Variants in EPPK1 observed in about 807,000 individuals in gnomAD.
EPPK1 encodes epiplakin 1.
For missense variants in EPPK1, 3,823 were observed against 3,673.3 expected (o/e 1.04, Z -1.05); for synonymous variants, 1,862 against 1,721.2 (o/e 1.08, Z -2.03).
rs782379600 is a variant in EPPK1 at position 143,867,174 on chromosome 8, A to G, written c.6080T>C (p.Leu2027Pro). 6.2e-7 allele frequency: 1 copy of G among 1,612,590 alleles called. No homozygotes were observed. The highest frequency in any genetic ancestry group is 1.3e-5 in the African/African-American group (1 of 74,874). The change falls in exon 2 of 2, where the codon CTG becomes CCG. Residue 2027 changes from leucine (L) to proline (P), a missense_variant. Physicochemically the swap from Leu to Pro is moderately conservative, Grantham distance 98. Coordinates refer to ENST00000615648, the MANE Select transcript of EPPK1 (RefSeq NM_031308.4). ...ACAGCCCCGTCTGTAGGCTGTTTCC[A>G]GTGGGAGCCGGTGGTGGTGCTGTGG... ...IDPQHHHRLP[L>P]ETAYRRGCLH...
At chr8:143,874,138 C>T (rs551735429) in intron 1 of EPPK1, among the ~76,000 whole-genome samples, 2 of 152,334 alleles carry the variant, frequency 1.3e-5, no homozygotes, top group South Asian at 4.1e-4. Flanking sequence ...CCCATGGGCC[C>T]TGGTCCTCCG....
rs782287716 is a variant in EPPK1 at position 143,868,229 on chromosome 8, C to G, written c.5025G>C (p.Glu1675Asp). Residue 1675 changes from glutamate (E) to aspartate (D), a missense_variant, in exon 2 of 2, where the codon GAG (glutamate) becomes GAC (aspartate). By Grantham distance (45) the Glu-to-Asp change is conservative (BLOSUM62 2). Transcript: ENST00000615648. Reference protein sequence around the residue: ...QAMQKDLIVREHGIRLLEAQI... With the variant: ...QAMQKDLIVRDHGIRLLEAQI... The stretch of plus-strand genomic sequence containing the variant: ...GGGCCTCCAGCAGGCGGATGCCGTG[C>G]TCCCGGACGATGAGGTCCTTCTGCA... The G allele has an allele frequency of 6.2e-7, 1 of 1,613,120 alleles. No individual in the cohort carries two copies. The highest frequency in any genetic ancestry group is 1.7e-5 in the Admixed American group (1 of 60,030).
chr8:143,873,069 T>G lies in EPPK1; in HGVS notation c.185A>C (p.Glu62Ala). 6.4e-7 allele frequency: 1 copy of G among 1,557,862 alleles called. No homozygotes were observed. Among genetic ancestry groups the G allele is most frequent in the Non-Finnish European group, 8.7e-7 (1 of 1,151,676 alleles). ...GQAQSVYAAM[E>A]QGLLPAGLGQ... ...GAGCCCAGCAGGCAGGAGGCCCTGC[T>G]CCATGGCGGCGTAGACACTCTGGGC... Residue 62 changes from glutamate to alanine, a missense_variant, in exon 2 of 2, where the codon GAG becomes GCG. Transcript: ENST00000615648.
rs183490670 is a variant in EPPK1, at chr8:143,868,294, C to T, written c.4960G>A (p.Asp1654Asn). ...SAERAVTGYT[D>N]PYTGQQISLF... ...GAGATCTGCTGCCCGGTATAGGGGT[C>T]GGTGTAGCCGGTGACGGCGCGCTCG... The change falls in exon 2 of 2, where the codon GAC becomes AAC. Residue 1654 changes from aspartate (D) to asparagine (N), a missense_variant. Coordinates refer to ENST00000615648, the MANE Select transcript of EPPK1 (RefSeq NM_031308.4). The T allele has an allele frequency of 2.3e-4, 368 of 1,613,122 alleles. 2 individuals carry two copies. Among genetic ancestry groups the T allele is most frequent in the Middle Eastern group, 8.2e-4 (5 of 6,062 alleles).
In EPPK1 at chr8:143,867,769, C is replaced by A. The variant is rs1819181344; in HGVS notation, c.5485G>T (p.Glu1829Ter). ...TCTTCAATTGTCGTGGTGATGATTT[C>A]CAGCAATTTCTCCAGGCCCCCACTC... ...AQSGGLEKLL[E>*]IITTTIEETE... The change falls in exon 2 of 2, where the codon GAA (glutamate) becomes TAA (stop). Residue 1829 changes from glutamate (E) to a stop codon, truncating the protein, a stop_gained. Transcript: ENST00000615648. LOFTEE classifies it low-confidence loss of function (END_TRUNC). The A allele has an allele frequency of 6.2e-7, 1 of 1,613,724 alleles. No individual in the cohort carries two copies. Among genetic ancestry groups the A allele is most frequent in the Non-Finnish European group, 8.5e-7 (1 of 1,179,850 alleles).
Position 143,867,188 on chromosome 8 carries a change from G to T in EPPK1, c.6066C>A (p.His2022Gln). The change falls in exon 2 of 2, where the codon CAC becomes CAA. Residue 2022 changes from histidine (H) to glutamine (Q), a missense_variant. Physicochemically the swap from His to Gln is conservative, Grantham distance 24. Coordinates refer to ENST00000615648, the MANE Select transcript of EPPK1 (RefSeq NM_031308.4). Reference protein sequence around the residue: ...ATGGVIDPQHHHRLPLETAYR... With the variant: ...ATGGVIDPQHQHRLPLETAYR... The stretch of plus-strand genomic sequence containing the variant: ...AGGCTGTTTCCAGTGGGAGCCGGTG[G>T]TGGTGCTGTGGGTCGATGACACCCC... The T allele has an allele frequency of 6.2e-7, 1 of 1,612,802 alleles. No individual in the cohort carries two copies. The highest frequency in any genetic ancestry group is 8.5e-7 in the Non-Finnish European group (1 of 1,179,822).
In EPPK1 at chr8:143,871,387, G is replaced by T; in HGVS notation, c.1867C>A (p.Arg623Ser). 1 of 1,606,132 alleles carries T rather than the reference G, an allele frequency of 6.2e-7. No individual in the cohort carries two copies. ...CATCGGGCCTCATAGATGCTCAGGC[G>T]TTCCTGGGAGCCAGGGAGCAGCAGG... ...AGLLLPGSQE[R>S]LSIYEARCKG... is the part of the protein sequence containing the mutation. The change falls in exon 2 of 2, where the codon CGC becomes AGC. Residue 623 changes from arginine (R) to serine (S), a missense_variant. Physicochemically the swap from Arg to Ser is moderately radical, Grantham distance 110. Coordinates refer to ENST00000615648, the MANE Select transcript of EPPK1 (RefSeq NM_031308.4).
chr8:143,868,949 G>A lies in EPPK1; in HGVS notation c.4305C>T (p.Pro1435=). The A allele has an allele frequency of 6.2e-7, 1 of 1,610,880 alleles. No homozygotes were observed. The highest frequency in any genetic ancestry group is 8.5e-7 in the Non-Finnish European group (1 of 1,179,840). The change falls in exon 2 of 2, where the codon CCC becomes CCT. Residue 1435 remains proline (P), a synonymous_variant. Transcript: ENST00000615648. The part of the protein sequence containing the change: ...SETGLLLLPL[P]SDTVLEVDDH... ...CGTCCACCTCAAGCACTGTGTCTGA[G>A]GGCAGTGGCAACAGCAACAATCCGG...
In EPPK1 at chr8:143,872,168, G is replaced by T; in HGVS notation, c.1086C>A (p.Ala362=). The part of the protein sequence containing the change: ...LHEQLLVAEQ[A]VTGHHDPFSG... ...TGAAGGGGTCGTGGTGCCCTGTCAC[G>T]GCCTGCTCGGCCACCAGGAGCTGCT... The change falls in exon 2 of 2, where the codon GCC becomes GCA. Residue 362 remains alanine (A), a synonymous_variant. Transcript: ENST00000615648. The T allele has an allele frequency of 6.3e-7, 1 of 1,588,346 alleles. No homozygotes were observed. Among genetic ancestry groups the T allele is most frequent in the Non-Finnish European group, 8.6e-7 (1 of 1,167,992 alleles).
rs1818931655 is a variant in EPPK1, at chr8:143,857,938, A to G, written c.*49T>C. On this transcript the variant is annotated 3_prime_UTR_variant, in exon 2 of 2. Coordinates refer to ENST00000615648, the MANE Select transcript of EPPK1 (RefSeq NM_031308.4). ...AAAAAAACAACCCAGACACACAAGT[A>G]TGCCTCCACTTCTCCAGAGTTGCAG... 1 of 1,010,140 alleles carries G rather than the reference A, an allele frequency of 9.9e-7. No individual in the cohort carries two copies. The allele number at this position is 1,010,140 out of a possible 1,614,324, so 62.6% of individuals were successfully genotyped here.
Position 143,870,887 on chromosome 8 carries a change from G to C in EPPK1, c.2367C>G (p.Pro789=), listed in dbSNP as rs200117350. 6.2e-7 allele frequency: 1 copy of C among 1,613,178 alleles called. No individual in the cohort carries two copies. The highest frequency in any genetic ancestry group is 8.5e-7 in the Non-Finnish European group (1 of 1,179,982). The change falls in exon 2 of 2, where the codon CCC becomes CCG. Residue 789 remains proline, a synonymous_variant. Coordinates refer to ENST00000615648, the MANE Select transcript of EPPK1 (RefSeq NM_031308.4). This position sits in a 1 kb window ranked among gnomAD's most constrained non-coding sequence, Gnocchi z 5.2. ...GTGGCAGGAGGTACAGGCCCGTCTC[G>C]GGGTCACGCACACAGCGCTCCAGAA... ...LQLLERCVRD[P]ETGLYLLPLS... is the part of the protein sequence containing the mutation.
chr8:143,877,134 C>T (rs782378450), intron 1 of EPPK1, among the ~76,000 whole-genome samples: 2 of 152,360 alleles, frequency 1.3e-5, no homozygotes, highest in African/African-American at 2.4e-5. Context: ...CCGCACCATG[C>T]GTGAGATGCG....
chr8:143,869,756 C>A lies in EPPK1; in HGVS notation c.3498G>T (p.Gln1166His), dbSNP rs1554660493. 1.9e-6 allele frequency: 3 copies of A among 1,602,294 alleles called. No individual in the cohort carries two copies. Among genetic ancestry groups the A allele is most frequent in the Non-Finnish European group, 2.6e-6 (3 of 1,175,416 alleles). Residue 1166 changes from glutamine to histidine, a missense_variant, in exon 2 of 2, where the codon CAG becomes CAT. Physicochemically the swap from Gln to His is conservative, Grantham distance 24. Transcript: ENST00000615648. ...EQRRGLLEDVQEGRTTVPQLL... is the reference protein window; with the variant it reads ...EQRRGLLEDVHEGRTTVPQLL... ...GCTGTGGCACAGTGGTCCTCCCCTC[C>A]TGCACGTCCTCCAGCAGGCCCCTCC...
rs782756398 is a variant in EPPK1 at position 143,871,333 on chromosome 8, G to C, written c.1921C>G (p.Leu641Val). 2 of 1,611,174 alleles carry C rather than the reference G, an allele frequency of 1.2e-6. No homozygotes were observed. Among genetic ancestry groups the C allele is most frequent in the Non-Finnish European group, 1.7e-6 (2 of 1,179,314 alleles). ...GCAGCTTGTGCCTCCAGAAGGATGA[G>C]GGCAGTGCCGGGCCGGAGGAGCCCC... is the stretch of plus-strand genomic sequence containing the variant. The part of the protein sequence containing the change: ...CKGLLRPGTA[L>V]ILLEAQAATG... Residue 641 changes from leucine to valine, a missense_variant, in exon 2 of 2, where the codon CTC (leucine) becomes GTC (valine). By Grantham distance (32) the Leu-to-Val change is conservative. Coordinates refer to ENST00000615648, the MANE Select transcript of EPPK1 (RefSeq NM_031308.4).
intron 1 of EPPK1, among the ~76,000 whole-genome samples, chr8:143,876,845 G>C (rs142900095): frequency 0.016 from 2,491 of 152,344 alleles, 79 homozygotes; most frequent in African/African-American, 0.056. Context: ...TCCCAGCAAG[G>C]GGGAGGGGCA....
chr8:143,872,762 G>T lies in EPPK1; in HGVS notation c.492C>A (p.Ala164=), dbSNP rs1554661694. ...GCTCAGGGGCCACGAGCACTCCCTGGGCGGGGTCCACCAGGCCCCCAGTGG... is the reference window on the plus strand; with the variant it reads ...GCTCAGGGGCCACGAGCACTCCCTGTGCGGGGTCCACCAGGCCCCCAGTGG... The part of the protein sequence containing the change: ...QLATGGLVDP[A]QGVLVAPEPA... Residue 164 remains alanine (A), a synonymous_variant, in exon 2 of 2, where the codon GCC becomes GCA. Coordinates refer to ENST00000615648, the MANE Select transcript of EPPK1 (RefSeq NM_031308.4). 1 of 1,586,922 alleles carries T rather than the reference G, an allele frequency of 6.3e-7. No individual in the cohort carries two copies. The highest frequency in any genetic ancestry group is 1.7e-5 in the Admixed American group (1 of 58,706).
chr8:143,871,301 G>A lies in EPPK1; in HGVS notation c.1953C>T (p.Gly651=), dbSNP rs557494224. 1.4e-5 allele frequency: 23 copies of A among 1,612,506 alleles called. No individual in the cohort carries two copies. The East Asian group carries it at 1.8e-4, about 12-fold the overall frequency. ...TGTTTGCTTTTGGGTCGATGATGAA[G>A]CCTGTGGCAGCTTGTGCCTCCAGAA... ...LILLEAQAAT[G]FIIDPKANKG... is the part of the protein sequence containing the mutation. Residue 651 remains glycine, a synonymous_variant, in exon 2 of 2, where the codon GGC becomes GGT. Coordinates refer to ENST00000615648, the MANE Select transcript of EPPK1 (RefSeq NM_031308.4).
At position 143,866,143 on chromosome 8, in the gene EPPK1, C is replaced by G; in HGVS notation, c.7111G>C (p.Glu2371Gln). 2.7e-6 allele frequency: 1 copy of G among 373,574 alleles called. No homozygotes were observed. Among genetic ancestry groups the G allele is most frequent in the Non-Finnish European group, 4.5e-6 (1 of 222,470 alleles). The allele number at this position is 373,574 out of a possible 1,614,324, so 23.1% of individuals were successfully genotyped here. The stretch of plus-strand genomic sequence containing the variant: ...GGGTCGGCCAGGACACGGTTCATCT[C>G]CTCGTCGAAGTAGCCGCGCCGGTAG... Reference protein sequence around the residue: ...VAYRRGYFDEEMNRVLADPSD... With the variant: ...VAYRRGYFDEQMNRVLADPSD... Residue 2371 changes from glutamate to glutamine, a missense_variant, in exon 2 of 2, where the codon GAG becomes CAG. By Grantham distance (29) the Glu-to-Gln change is conservative. Transcript: ENST00000615648.
At chr8:143,875,605 G>A (rs1819462621) in intron 1 of EPPK1, among the ~76,000 whole-genome samples, 1 of 152,256 alleles carries the variant, frequency 6.6e-6, no homozygotes, top group South Asian at 2.1e-4. Flanking sequence ...GCTGGTAAAC[G>A]ACCAGCATTG....
Sources: gnomAD v4.1 joint callset for allele counts (sites outside exome capture counted in the v4.1 genomes callset) on GRCh38, gnomAD v4.1.1 for gene constraint, Gnocchi (gnomAD v3.1) non-coding constraint, MANE v1.5 for transcripts, NCBI Gene and HGNC (gene_info 2026-07-23, HGNC 2026-07-21) for gene names.